The following CLEC20A variants were observed in gnomAD, a reference collection of about 807,000 sequenced individuals.
CLEC20A encodes the protein C-type lectin domain containing 20A.
chr1:178,485,714 C>G (rs1488022884), intron 5 of CLEC20A, among the ~76,000 whole-genome samples: 2 of 152,180 alleles, frequency 1.3e-5, no homozygotes, highest in African/African-American at 2.4e-5. Context: ...ATGCCTTCTT[C>G]AAAACAAGTA....
chr1:178,488,262 G>C (rs1023649710), intron 5 of CLEC20A, among the ~76,000 whole-genome samples: 10 of 152,240 alleles, frequency 6.6e-5, no homozygotes, highest in African/African-American at 2.4e-4. Context: ...CCAATTCCAG[G>C]AAAAGGGAGT....
At chr1:178,491,307 T>C (rs1350877437) in intron 3 of CLEC20A, among the ~76,000 whole-genome samples, 2 of 152,170 alleles carry the variant, frequency 1.3e-5, no homozygotes, top group African/African-American at 4.8e-5. Flanking sequence ...GCCCGGAAGA[T>C]GAAACACTCC....
At chr1:178,479,602 A>G in exon 8 of CLEC20A, 1 of 398,514 alleles carries the variant, frequency 2.5e-6, no homozygotes, top group Non-Finnish European at 4.4e-6. Context: ...TGTAAGCTTT[A>G]AGACTTCCTG....
rs76572516 is a variant in CLEC20A at position 178,490,179 on chromosome 1, G to A, written c.722C>T (p.Pro241Leu). The change falls in exon 4 of 8, where the codon CCG becomes CTG. Residue 241 changes from proline to leucine, a missense_variant. Coordinates refer to ENST00000623247, the Ensembl canonical transcript of CLEC20A. ...TGTGCACAGTCCTCTCACCATCATC[G>A]GCACCTGCAGCCAGGAGGGGATGCT... 1,099 of 398,746 alleles carry A rather than the reference G, an allele frequency of 2.8e-3. 4 individuals carry two copies. Among genetic ancestry groups the A allele is most frequent in the African/African-American group, 6.2e-3 (303 of 48,740 alleles). 24.7% of individuals were successfully genotyped at this position (398,746 alleles called of 1,614,324 possible).
exon 8 of CLEC20A, chr1:178,479,285 A>T: frequency 3.3e-6 from 1 of 302,298 alleles, no homozygotes; most frequent in East Asian, 5.1e-5. Context: ...TCTTAATAGA[A>T]GTTCATTTGT....
chr1:178,495,734 A>G (rs1649374370), intron 1 of CLEC20A, among the ~76,000 whole-genome samples: 2 of 152,154 alleles, frequency 1.3e-5, no homozygotes, highest in Non-Finnish European at 2.9e-5. Context: ...GGGAGGAACT[A>G]ATGAGCAAAT....
chr1:178,480,573 G>C (rs1342188884), intron 7 of CLEC20A: 1 of 152,328 alleles, frequency 6.6e-6, no homozygotes, highest in Non-Finnish European at 1.5e-5. Context: ...ACAAGGTCAG[G>C]AGATCGAGAC....
At chr1:178,483,353 G>C in intron 5 of CLEC20A, 71 bp from the exon 6 acceptor site, 1 of 397,748 alleles carries the variant, frequency 2.5e-6, no homozygotes, top group Non-Finnish European at 4.4e-6. Context: ...ATTGGTGACT[G>C]CCCCTGAGCT....
intron 5 of CLEC20A, chr1:178,486,522 G>C: frequency 2.5e-6 from 1 of 398,810 alleles, no homozygotes; most frequent in East Asian, 3.6e-5. Flanking sequence ...TTGTCCTCTG[G>C]GTCACGGCTG....
chr1:178,498,682 G>C, upstream of CLEC20A, among the ~76,000 whole-genome samples: 1 of 152,202 alleles, frequency 6.6e-6, no homozygotes, highest in East Asian at 1.9e-4. Flanking sequence ...GCTTGCTTGT[G>C]TTCTCTCTCT....
intron 5 of CLEC20A, chr1:178,486,908 G>A (rs1649160700): frequency 5.0e-6 from 2 of 398,000 alleles, no homozygotes; most frequent in Non-Finnish European, 8.9e-6. Context: ...GCCCCTTGGG[G>A]CTGGAGGGCC....
At chr1:178,486,670 G>A (rs893922368) in intron 5 of CLEC20A, 5 of 398,598 alleles carry the variant, frequency 1.3e-5, no homozygotes, top group African/African-American at 8.2e-5. Context: ...GGCATCGCGG[G>A]TGGCATCGAG....
At chr1:178,483,517 C>T (rs1025279408) in intron 5 of CLEC20A, 5 of 356,984 alleles carry the variant, frequency 1.4e-5, no homozygotes, top group African/African-American at 8.4e-5. Flanking sequence ...AGAAAGCCCC[C>T]CTGGCAGCAG....
chr1:178,493,095 G>C (rs755926900), intron 2 of CLEC20A, among the ~76,000 whole-genome samples: 35 of 152,200 alleles, frequency 2.3e-4, no homozygotes, highest in Admixed American at 1.1e-3. Flanking sequence ...CCAGAGGAGA[G>C]ACAGCGCTGA....
intron 5 of CLEC20A, among the ~76,000 whole-genome samples, chr1:178,485,962 G>T (rs1429706098): frequency 6.6e-6 from 1 of 152,138 alleles, no homozygotes; most frequent in African/African-American, 2.4e-5. Context: ...AGATTAAAAT[G>T]GTAATAACTA....
intron 5 of CLEC20A, chr1:178,486,823 G>A (rs950823557): frequency 7.5e-6 from 3 of 398,376 alleles, no homozygotes; most frequent in African/African-American, 2.1e-5. Flanking sequence ...AGTGACCGGC[G>A]GCATCCTGGG....
At chr1:178,491,897 G>A (rs777817111) in intron 3 of CLEC20A, among the ~76,000 whole-genome samples, 4 of 152,188 alleles carry the variant, frequency 2.6e-5, no homozygotes, top group Non-Finnish European at 4.4e-5. Flanking sequence ...CAGAGTGAGA[G>A]CTGGGCTGCA....
At chr1:178,493,215 C>T (rs1649306191) in intron 2 of CLEC20A, among the ~76,000 whole-genome samples, 1 of 152,124 alleles carries the variant, frequency 6.6e-6, no homozygotes, top group Non-Finnish European at 1.5e-5. Context: ...CATACGCACA[C>T]CCCTCCCTTT....
intron 4 of CLEC20A, among the ~76,000 whole-genome samples, 166 bp downstream of exon 4, chr1:178,489,906 T>C (rs1219475946): frequency 1.3e-5 from 2 of 152,244 alleles, no homozygotes; most frequent in Admixed American, 6.5e-5. Flanking sequence ...CACAAGTTTA[T>C]AGTGCAAGGA....
Sources: allele counts gnomAD v4.1 joint callset (sites outside exome capture counted in the v4.1 genomes callset), GRCh38; gene constraint gnomAD v4.1.1; transcripts MANE v1.5; gene names NCBI Gene and HGNC (gene_info 2026-07-23, HGNC 2026-07-21).